CYP2C19: variants seen among roughly 807,000 people sequenced by gnomAD.
CYP2C19 encodes cytochrome P450 2C19.
A neutral mutation model predicts 40.9 loss-of-function variants in CYP2C19; 59 were observed. That is an observed-to-expected ratio of 1.44 (90% confidence interval 1.17 to 1.79). The LOEUF (loss-of-function observed/expected upper bound fraction) is 1.79. CYP2C19 is among the 40% of genes most tolerant of loss of function. The pLI, the probability that CYP2C19 is intolerant of heterozygous loss-of-function variation, is 0.00. For missense variants in CYP2C19, 754 were observed against 596.9 expected (o/e 1.26, Z -2.74); for synonymous variants, 253 against 208.7 (o/e 1.21, Z -1.83).
At chr10:94,835,838 G>C (rs1413979241) in intron 6 of CYP2C19, among the ~76,000 whole-genome samples, 2 of 152,104 alleles carry the variant, frequency 1.3e-5, no homozygotes, top group Non-Finnish European at 2.9e-5. Flanking sequence ...AGTTCTGCCA[G>C]CTGAGCACTA....
At chr10:94,815,659 T>C (rs1848991222) in intron 5 of CYP2C19, among the ~76,000 whole-genome samples, 1 of 152,184 alleles carries the variant, frequency 6.6e-6, no homozygotes, top group Non-Finnish European at 1.5e-5. Flanking sequence ...TCTCTTCACT[T>C]TGTATATTTT....
chr10:94,834,423 T>C (rs906378875), intron 6 of CYP2C19, among the ~76,000 whole-genome samples: 3 of 152,154 alleles, frequency 2.0e-5, no homozygotes, highest in African/African-American at 7.2e-5. Context: ...GTCAATTTTG[T>C]TTAATTTCTC....
chr10:94,852,829 ACCC>A lies in CYP2C19; in HGVS notation c.1389_1391del (p.Asp463_Pro464delinsGlu). 1 of 1,613,976 alleles carries A rather than the reference ACCC, an allele frequency of 6.2e-7. No individual in the cohort carries two copies. The highest frequency in any genetic ancestry group is 1.1e-5 in the South Asian group (1 of 91,078). On this transcript the variant is annotated inframe_deletion, in exon 9 of 9. Coordinates refer to ENST00000371321, the MANE Select transcript of CYP2C19 (RefSeq NM_000769.4). ...AACTTTAACCTGAAATCTCTGATTG[ACCC>A]AAAGGACCTTGACACAACTCCTGTT...
At position 94,838,323 on chromosome 10, in the gene CYP2C19, T is replaced by C. The variant is rs112396061; in HGVS notation, c.962-4514T>C. 4.7e-3 allele frequency among the ~76,000 whole-genome samples: 719 copies of C among 152,296 alleles called. 4 individuals are homozygous for C. The highest frequency in any genetic ancestry group is 0.011 in the African/African-American group (469 of 41,564). On this transcript the variant is annotated intron_variant, in intron 6 of 8. Coordinates refer to ENST00000371321, the MANE Select transcript of CYP2C19 (RefSeq NM_000769.4). Reference sequence around the variant, plus strand: ...TTGACCTGACTGAGATACCAGAGATTGCCAAACTCTTGGGCTGCAGATATG... The same window carrying C: ...TTGACCTGACTGAGATACCAGAGATCGCCAAACTCTTGGGCTGCAGATATG...
chr10:94,852,974 C>A lies in CYP2C19; in HGVS notation c.*60C>A. The A allele has an allele frequency of 6.5e-7, 1 of 1,549,766 alleles. No individual in the cohort carries two copies. ...CCCTGCAGCTCTCTTTCCTCTGGTC[C>A]AAATTTCACTATCTGTGATGCTTCT... On this transcript the variant is annotated 3_prime_UTR_variant, in exon 9 of 9. Transcript: ENST00000371321.
intron 7 of CYP2C19, among the ~76,000 whole-genome samples, chr10:94,849,233 A>G (rs192173167): frequency 4.3e-4 from 66 of 152,298 alleles, no homozygotes; most frequent in Non-Finnish European, 1.0e-4. Flanking sequence ...CAGGCACTAA[A>G]GCCCAAGCTT....
chr10:94,774,979 A>C (rs1474657305), intron 1 of CYP2C19, 79 bp from the exon 2 acceptor site: 10 of 1,454,380 alleles, frequency 6.9e-6, no homozygotes, highest in Non-Finnish European at 9.5e-6. Context: ...AAATACAATG[A>C]AAATATGAAT....
At chr10:94,845,646 T>G in intron 7 of CYP2C19, among the ~76,000 whole-genome samples, 1 of 152,338 alleles carries the variant, frequency 6.6e-6, no homozygotes, top group South Asian at 2.1e-4. Context: ...AATTTTTATT[T>G]GTAGTATGGA....
intron 5 of CYP2C19, among the ~76,000 whole-genome samples, chr10:94,804,584 A>T (rs1848808481): frequency 6.6e-6 from 1 of 152,168 alleles, no homozygotes; most frequent in Admixed American, 6.5e-5. Flanking sequence ...CAGGGCTTAG[A>T]ATAAACAAAG....
intron 7 of CYP2C19, among the ~76,000 whole-genome samples, chr10:94,846,247 A>G (rs2134289281): frequency 6.6e-6 from 1 of 152,212 alleles, no homozygotes; most frequent in Non-Finnish European, 1.5e-5. Context: ...TGAAGAGTTG[A>G]GGCCTTTAGT....
At chr10:94,798,483 G>C (rs770762966) in intron 5 of CYP2C19, among the ~76,000 whole-genome samples, 1 of 152,096 alleles carries the variant, frequency 6.6e-6, no homozygotes, top group African/African-American at 2.4e-5. Flanking sequence ...TTGGGGTGGC[G>C]AGTTCTGTAG....
chr10:94,815,741 G>A (rs1014504393), intron 5 of CYP2C19, among the ~76,000 whole-genome samples: 2 of 151,920 alleles, frequency 1.3e-5, no homozygotes. Flanking sequence ...CAATACTGTG[G>A]GCCCATCTTG....
At chr10:94,828,989 G>T (rs1849280064) in intron 6 of CYP2C19, among the ~76,000 whole-genome samples, 1 of 151,896 alleles carries the variant, frequency 6.6e-6, no homozygotes, top group Non-Finnish European at 1.5e-5. Flanking sequence ...TTGAATATTG[G>T]CCCCCACTCT....
At chr10:94,777,527 A>G (rs1848424612) in intron 3 of CYP2C19, among the ~76,000 whole-genome samples, 1 of 152,152 alleles carries the variant, frequency 6.6e-6, no homozygotes, top group South Asian at 2.1e-4. Context: ...TCTTCAACAA[A>G]CCTGACAAAA....
At chr10:94,810,593 C>G (rs1334993929) in intron 5 of CYP2C19, among the ~76,000 whole-genome samples, 1 of 152,094 alleles carries the variant, frequency 6.6e-6, no homozygotes, top group African/African-American at 2.4e-5. Context: ...ACGGATTGGA[C>G]TTCTTCCTGG....
At chr10:94,828,095 A>G (rs1434885129) in intron 6 of CYP2C19, among the ~76,000 whole-genome samples, 3 of 151,994 alleles carry the variant, frequency 2.0e-5, no homozygotes, top group African/African-American at 4.8e-5. Flanking sequence ...TATGTGGTCA[A>G]TTTTGGAATA....
chr10:94,815,189 TAA>T (rs1848982703), intron 5 of CYP2C19, among the ~76,000 whole-genome samples: 1 of 151,082 alleles, frequency 6.6e-6, no homozygotes, highest in Non-Finnish European at 1.5e-5. Context: ...TCTTCTTACT[TAA>T]GAGTAATTTT....
intron 6 of CYP2C19, among the ~76,000 whole-genome samples, chr10:94,828,109 G>A (rs1849261120): frequency 2.0e-5 from 3 of 152,168 alleles, no homozygotes; most frequent in Admixed American, 2.0e-4. Context: ...TGGAATAGGT[G>A]TGGTGTGGTG....
intron 3 of CYP2C19, among the ~76,000 whole-genome samples, chr10:94,777,035 T>G (rs1162918997): frequency 6.6e-6 from 1 of 151,952 alleles, no homozygotes; most frequent in African/African-American, 2.4e-5. Context: ...AAATAATGAG[T>G]GAACTCCCAT....
Sources: allele counts gnomAD v4.1 joint callset (sites outside exome capture counted in the v4.1 genomes callset), GRCh38; gene constraint gnomAD v4.1.1; transcripts MANE v1.5; gene names NCBI Gene and HGNC (gene_info 2026-07-23, HGNC 2026-07-21).